Variants in XRRA1 observed in about 807,000 individuals in gnomAD.
The protein encoded by XRRA1 is X-ray radiation resistance associated 1, also known as X-ray radiation resistance-associated protein 1.
Under a neutral mutation model 80.2 loss-of-function variants are expected in XRRA1, and 69 were observed. The ratio of observed to expected loss-of-function variants is 0.86; its 90% CI spans 0.71 to 1.05. XRRA1 has a LOEUF of 1.05. XRRA1 is among the 50% of genes least tolerant of loss of function. The pLI, the probability that XRRA1 is intolerant of heterozygous loss-of-function variation, is 0.00. For missense variants in XRRA1, 967 were observed against 976.4 expected (o/e 0.99, Z 0.13); for synonymous variants, 348 against 389.9 (o/e 0.89, Z 1.27).
At chr11:74,916,554 T>A (rs1455397730) in intron 8 of XRRA1, among the ~76,000 whole-genome samples, 3 of 152,220 alleles carry the variant, frequency 2.0e-5, no homozygotes, top group Admixed American at 1.3e-4. Flanking sequence ...TTTGTTAATA[T>A]ATCATTTTCT....
At chr11:74,892,546 T>G (rs1005199957) in intron 10 of XRRA1, among the ~76,000 whole-genome samples, 2 of 152,158 alleles carry the variant, frequency 1.3e-5, no homozygotes, top group East Asian at 3.9e-4. Flanking sequence ...AAAGCCAAAA[T>G]TGACAAATGG....
intron 9 of XRRA1, chr11:74,906,857 T>C (rs1282974388): frequency 1.2e-5 from 5 of 420,416 alleles, no homozygotes; most frequent in Non-Finnish European, 1.7e-5. Flanking sequence ...TTTTCCTGTC[T>C]CTACTGTCAG....
At chr11:74,854,192 T>TA (rs1479506686) in intron 12 of XRRA1, among the ~76,000 whole-genome samples, 2 of 152,178 alleles carry the variant, frequency 1.3e-5, no homozygotes, top group Non-Finnish European at 2.9e-5. Context: ...AAATGTCAAA[T>TA]AGGCAGTTGG....
intron 10 of XRRA1, among the ~76,000 whole-genome samples, chr11:74,889,342 A>C (rs945161608): frequency 6.6e-6 from 1 of 152,110 alleles, no homozygotes; most frequent in East Asian, 1.9e-4. Flanking sequence ...TCCTTTACAG[A>C]CAAGCAAATG....
intron 8 of XRRA1, among the ~76,000 whole-genome samples, chr11:74,915,603 A>C (rs955320613): frequency 1.3e-5 from 2 of 152,202 alleles, no homozygotes; most frequent in Admixed American, 1.3e-4. Context: ...AGTTGACTTT[A>C]AAAAGCAGCA....
chr11:74,863,785 T>C (rs755891340), intron 10 of XRRA1: 1 of 152,212 alleles, frequency 6.6e-6, no homozygotes, highest in African/African-American at 2.4e-5. Context: ...TGGAACAACA[T>C]GGCATAAATA....
At chr11:74,849,650 G>A (rs1164008441) in intron 14 of XRRA1, among the ~76,000 whole-genome samples, 1 of 152,116 alleles carries the variant, frequency 6.6e-6, no homozygotes, top group South Asian at 2.1e-4. Context: ...CTATCCCACC[G>A]CTACTTTCCC....
At chr11:74,934,588 T>C (rs1401137021) in intron 4 of XRRA1, among the ~76,000 whole-genome samples, 2 of 152,124 alleles carry the variant, frequency 1.3e-5, no homozygotes, top group African/African-American at 4.8e-5. Flanking sequence ...AAATACTTAC[T>C]TGAGGAAGTA....
intron 3 of XRRA1, 81 bp downstream of exon 3, chr11:74,940,704 G>T: frequency 8.6e-7 from 1 of 1,166,136 alleles, no homozygotes; most frequent in South Asian, 1.4e-5. Context: ...GAAGGGGTTG[G>T]AGAAGAACAA....
At chr11:74,907,309 C>T (rs759314632) in intron 8 of XRRA1, 36 bp from the exon 9 acceptor site, 39 of 1,610,676 alleles carry the variant, frequency 2.4e-5, no homozygotes, top group Non-Finnish European at 2.7e-5. Context: ...TGAGCAAGGT[C>T]GAGGGACAAA....
chr11:74,890,067 G>T (rs1173376477), intron 10 of XRRA1, among the ~76,000 whole-genome samples: 1 of 152,168 alleles, frequency 6.6e-6, no homozygotes, highest in Non-Finnish European at 1.5e-5. Context: ...GACATCTACA[G>T]AACTCTCCAC....
chr11:74,912,029 T>G (rs1403702160), intron 8 of XRRA1, among the ~76,000 whole-genome samples: 2 of 152,300 alleles, frequency 1.3e-5, no homozygotes, highest in East Asian at 3.9e-4. Flanking sequence ...GAAAACTGTC[T>G]TGGAGTGAAC....
intron 10 of XRRA1, among the ~76,000 whole-genome samples, chr11:74,884,670 T>G (rs1447737088): frequency 6.6e-6 from 1 of 152,216 alleles, no homozygotes; most frequent in Non-Finnish European, 1.5e-5. Context: ...AACTCACTCT[T>G]TGTGTGTCCA....
At chr11:74,855,231 A>C (rs2135708170) in intron 12 of XRRA1, among the ~76,000 whole-genome samples, 1 of 152,312 alleles carries the variant, frequency 6.6e-6, no homozygotes, top group East Asian at 1.9e-4. Flanking sequence ...TTGATAAATG[A>C]CTATAATGGT....
intron 2 of XRRA1, among the ~76,000 whole-genome samples, chr11:74,941,559 G>C (rs1408335196): frequency 6.6e-6 from 1 of 152,146 alleles, no homozygotes; most frequent in Non-Finnish European, 1.5e-5. Flanking sequence ...GGACAGGAAG[G>C]ATGGTGCCTG....
chr11:74,921,149 A>G, intron 8 of XRRA1, 65 bp downstream of exon 8: 3 of 1,585,018 alleles, frequency 1.9e-6, no homozygotes, highest in African/African-American at 1.3e-5. Context: ...TCAAGCTGCT[A>G]TGGGCTATTT....
intron 10 of XRRA1, among the ~76,000 whole-genome samples, chr11:74,888,022 C>A (rs1007136807): frequency 6.6e-6 from 1 of 152,196 alleles, no homozygotes; most frequent in Non-Finnish European, 1.5e-5. Flanking sequence ...CAAAAGGCAG[C>A]AGAATCCTCC....
chr11:74,906,329 T>G lies in XRRA1; in HGVS notation c.913A>C (p.Met305Leu). Residue 305 changes from methionine to leucine, a missense_variant, in exon 10 of 19, where the codon ATG becomes CTG. Coordinates refer to ENST00000684022, the MANE Select transcript of XRRA1 (RefSeq NM_001378157.1). Reference protein sequence around the residue: ...RGSPHKEPQFMLQSKPRMLED... With the variant: ...RGSPHKEPQFLLQSKPRMLED... ...AGCATCCTTGGCTTGGACTGCAGCA[T>G]GAATTGGGGCTCTTTATGGGGACTT... The G allele has an allele frequency of 6.2e-7, 1 of 1,614,068 alleles. No homozygotes were observed. Among genetic ancestry groups the G allele is most frequent in the Non-Finnish European group, 8.5e-7 (1 of 1,179,902 alleles).
intron 10 of XRRA1, among the ~76,000 whole-genome samples, chr11:74,898,132 G>A (rs1591197448): frequency 6.6e-6 from 1 of 152,046 alleles, no homozygotes; most frequent in Non-Finnish European, 1.5e-5. Context: ...AAGTTAAAGT[G>A]TTGAGTTTTT....
Sources: gnomAD v4.1 joint callset for allele counts (sites outside exome capture counted in the v4.1 genomes callset) on GRCh38, gnomAD v4.1.1 for gene constraint, MANE v1.5 for transcripts, NCBI Gene and HGNC (gene_info 2026-07-23, HGNC 2026-07-21) for gene names.